Variants in BBOX1 observed in about 807,000 individuals in gnomAD.
BBOX1 encodes gamma-butyrobetaine hydroxylase 1.
In BBOX1, 35 loss-of-function variants were observed where a neutral mutation model predicts 41.6. That is an observed-to-expected ratio of 0.84 (90% confidence interval 0.64 to 1.11). The LOEUF (loss-of-function observed/expected upper bound fraction) is 1.11, where lower values mean the gene tolerates loss of function less well. Among genes scored for constraint, BBOX1 ranks in the 50% most tolerant of loss-of-function variants. The pLI is 0.00. For synonymous variants in BBOX1, 163 were observed against 154.7 expected (o/e 1.05, Z -0.40); for missense variants, 458 against 460.6 (o/e 0.99, Z 0.05).
chr11:27,046,343 A>G (rs1336389444), intron 2 of BBOX1: 1 of 152,052 alleles, frequency 6.6e-6, no homozygotes, highest in African/African-American at 2.4e-5. Flanking sequence ...AAAACAAGCA[A>G]TTTACTTGTG....
intron 7 of BBOX1, among the ~76,000 whole-genome samples, chr11:27,124,783 A>G (rs1253419990): frequency 1.3e-5 from 2 of 152,284 alleles, no homozygotes; most frequent in African/African-American, 4.8e-5. Flanking sequence ...TGGCCTCCCA[A>G]GGGAGGCAGG....
intron 7 of BBOX1, among the ~76,000 whole-genome samples, chr11:27,122,825 T>C (rs546865143): frequency 6.6e-6 from 1 of 152,274 alleles, no homozygotes; most frequent in Non-Finnish European, 1.5e-5. Flanking sequence ...TTGATAATGT[T>C]TTGCTTTTGC....
chr11:27,106,739 A>C (rs1330765133), intron 5 of BBOX1, among the ~76,000 whole-genome samples: 4 of 118,118 alleles, frequency 3.4e-5, no homozygotes, highest in African/African-American at 6.7e-5. Flanking sequence ...AAGGGGACCT[A>C]ATAGACATCT....
At chr11:27,108,923 G>A (rs763411039) in intron 5 of BBOX1, among the ~76,000 whole-genome samples, 18 of 151,850 alleles carry the variant, frequency 1.2e-4, no homozygotes, top group Non-Finnish European at 2.4e-4. Context: ...ACCGTATACC[G>A]TATGAAAATG....
chr11:27,061,628 T>C (rs990513784), intron 4 of BBOX1, among the ~76,000 whole-genome samples: 1 of 152,188 alleles, frequency 6.6e-6, no homozygotes, highest in Non-Finnish European at 1.5e-5. Context: ...TGTTTTCTCT[T>C]CTGCAAGCAT....
At chr11:27,079,295 AC>A (rs1365565003) in intron 4 of BBOX1, among the ~76,000 whole-genome samples, 1 of 152,166 alleles carries the variant, frequency 6.6e-6, no homozygotes, top group Non-Finnish European at 1.5e-5. Context: ...TCAATTATGA[AC>A]CTAATTCCAA....
intron 2 of BBOX1, among the ~76,000 whole-genome samples, chr11:27,044,792 T>C (rs1307435934): frequency 7.3e-6 from 1 of 137,358 alleles, no homozygotes; most frequent in African/African-American, 2.5e-5. Flanking sequence ...CATTGGTCTA[T>C]CTGTTTTTGC....
chr11:27,055,147 G>T, intron 2 of BBOX1: 1 of 296,876 alleles, frequency 3.4e-6, no homozygotes, highest in South Asian at 9.1e-5. Context: ...GAAAAACAAG[G>T]AATTCTTTTC....
intron 7 of BBOX1, among the ~76,000 whole-genome samples, chr11:27,123,442 A>T (rs1305211083): frequency 6.6e-6 from 1 of 152,208 alleles, no homozygotes; most frequent in Non-Finnish European, 1.5e-5. Flanking sequence ...GAAGAAAAGT[A>T]AAGCAGATCT....
chr11:27,051,276 A>G (rs1245416355), intron 2 of BBOX1, among the ~76,000 whole-genome samples: 3 of 151,986 alleles, frequency 2.0e-5, no homozygotes, highest in African/African-American at 4.8e-5. Context: ...TACCAGGAAT[A>G]TTGGTCTGTA....
intron 5 of BBOX1, among the ~76,000 whole-genome samples, chr11:27,099,438 T>C (rs1446154115): frequency 1.3e-5 from 2 of 151,966 alleles, no homozygotes; most frequent in Non-Finnish European, 2.9e-5. Context: ...GGAGATAAAA[T>C]AAATGTGGAT....
At chr11:27,110,724 A>C (rs1417217910) in intron 5 of BBOX1, among the ~76,000 whole-genome samples, 1 of 151,698 alleles carries the variant, frequency 6.6e-6, no homozygotes, top group Non-Finnish European at 1.5e-5. Flanking sequence ...TCTTTGTAGA[A>C]CCTATCTCTA....
In BBOX1 at chr11:27,092,823, T is replaced by C. The variant is rs572914316; in HGVS notation, c.335-345T>C. ...GCAATATAACTTGGCTGTTAACACATACAGTATCTCAGAGTTATTTCTAAG... is the reference window on the plus strand; with the variant it reads ...GCAATATAACTTGGCTGTTAACACACACAGTATCTCAGAGTTATTTCTAAG... On this transcript the variant is annotated intron_variant, in intron 4 of 8. Transcript: ENST00000263182. Among the ~76,000 whole-genome samples, 3 of 152,030 alleles carry C rather than the reference T, an allele frequency of 2.0e-5. No homozygotes were observed. In the East Asian group the frequency reaches 5.8e-4, roughly 29 times the overall value.
At chr11:27,079,421 C>T (rs907916320) in intron 4 of BBOX1, among the ~76,000 whole-genome samples, 1 of 152,090 alleles carries the variant, frequency 6.6e-6, no homozygotes, top group Non-Finnish European at 1.5e-5. Context: ...TACCAGCAAT[C>T]ATAGGCTACA....
intron 6 of BBOX1, among the ~76,000 whole-genome samples, chr11:27,115,858 T>A (rs1247924533): frequency 1.3e-5 from 2 of 151,888 alleles, no homozygotes; most frequent in African/African-American, 4.8e-5. Flanking sequence ...AAGGTAGGAG[T>A]AAATCTTAAG....
At chr11:27,046,273 G>A (rs185136901) in intron 2 of BBOX1, 5 of 152,030 alleles carry the variant, frequency 3.3e-5, no homozygotes, top group Admixed American at 3.3e-4. Context: ...ACTTGAATTT[G>A]TAATATTAAG....
intron 5 of BBOX1, among the ~76,000 whole-genome samples, chr11:27,102,527 C>G (rs1009929734): frequency 6.6e-6 from 1 of 151,938 alleles, no homozygotes; most frequent in African/African-American, 2.4e-5. Flanking sequence ...TGTTCACTTC[C>G]TTTCTTTCCT....
Position 27,127,564 on chromosome 11 carries a change from G to A in BBOX1, c.*111G>A, listed in dbSNP as rs149093960. 146 of 1,252,536 alleles carry A rather than the reference G, an allele frequency of 1.2e-4. No homozygotes were observed. In the East Asian group the frequency reaches 3.5e-3, roughly 30 times the overall value. 77.6% of individuals were successfully genotyped at this position (1,252,536 alleles called of 1,614,324 possible). A position where few individuals can be genotyped will look rare whatever the true frequency, so the allele number is the denominator to read the frequency against. On this transcript the variant is annotated 3_prime_UTR_variant, in exon 9 of 9. Coordinates refer to ENST00000263182, the MANE Select transcript of BBOX1 (RefSeq NM_003986.3). ...ATTTACATATAATTTCCTTAACAAT[G>A]AACATGTAACTTCTCTCACAAGAGT...
rs1320613696 is a variant in BBOX1, at chr11:27,055,578, G to T, written c.148G>T (p.Ala50Ser). Residue 50 changes from alanine to serine, a missense_variant, in exon 3 of 9, where the codon GCA becomes TCA. Coordinates refer to ENST00000263182, the MANE Select transcript of BBOX1 (RefSeq NM_003986.3). ...CSDCYLDSAK[A>S]RKLLVEALDV... ...TGATTGCTACCTGGATTCTGCAAAA[G>T]CACGGAAACTTCTAGTGGAAGCTCT... 3 of 1,614,140 alleles carry T rather than the reference G, an allele frequency of 1.9e-6. No individual in the cohort carries two copies. Among genetic ancestry groups the T allele is most frequent in the Non-Finnish European group, 1.7e-6 (2 of 1,180,024 alleles).
Sources: gnomAD v4.1 joint callset for allele counts (sites outside exome capture counted in the v4.1 genomes callset) on GRCh38, gnomAD v4.1.1 for gene constraint, MANE v1.5 for transcripts, NCBI Gene and HGNC (gene_info 2026-07-23, HGNC 2026-07-21) for gene names.